Variants in KCNH8 observed in about 807,000 individuals in gnomAD.
KCNH8 encodes voltage-gated delayed rectifier potassium channel KCNH8.
Under a neutral mutation model 103.6 loss-of-function variants are expected in KCNH8, and 70 were observed. That is an observed-to-expected ratio of 0.68 (90% CI 0.56 to 0.82). The LOEUF (loss-of-function observed/expected upper bound fraction) is 0.82, where lower values mean the gene tolerates loss of function less well. KCNH8 is among the 40% of genes least tolerant of loss of function. The probability of loss-of-function intolerance (pLI) is 0.00; values close to 1 mark genes in which losing one functional copy is unlikely to be tolerated. For missense variants in KCNH8, 1,217 were observed against 1,329.9 expected (o/e 0.92, Z 1.32); for synonymous variants, 498 against 489.4 (o/e 1.02, Z -0.23).
chr3:19,490,335 C>A (rs1020537787), intron 11 of KCNH8, among the ~76,000 whole-genome samples: 1 of 152,186 alleles, frequency 6.6e-6, no homozygotes, highest in African/African-American at 2.4e-5. Flanking sequence ...CTCCAAAAAC[C>A]GAGCTCCCCG....
At chr3:19,356,749 A>C (rs73182758) in intron 5 of KCNH8, among the ~76,000 whole-genome samples, 14,949 of 151,974 alleles carry the variant, frequency 0.098, 895 homozygotes, top group East Asian at 0.17. Flanking sequence ...TGGCAGACTC[A>C]GGCCTTCTGG....
chr3:19,492,961 T>G (rs766145417), intron 11 of KCNH8, among the ~76,000 whole-genome samples: 2 of 151,980 alleles, frequency 1.3e-5, no homozygotes, highest in Non-Finnish European at 2.9e-5. Context: ...GCTGTTTTTC[T>G]AGGTACTTCA....
At chr3:19,384,189 G>A (rs1192764213) in intron 5 of KCNH8, among the ~76,000 whole-genome samples, 4 of 152,204 alleles carry the variant, frequency 2.6e-5, no homozygotes, top group African/African-American at 9.7e-5. Flanking sequence ...AGTGTGCACT[G>A]TCTCCTCTGA....
At chr3:19,246,274 GTT>G (rs920423108) in intron 1 of KCNH8, among the ~76,000 whole-genome samples, 365 of 86,310 alleles carry the variant, frequency 4.2e-3, no homozygotes, top group African/African-American at 0.016. Context: ...TGTTGTTGTT[GTT>G]TTTTTTTTTT....
At chr3:19,188,963 T>TC (rs1181466352) in intron 1 of KCNH8, among the ~76,000 whole-genome samples, 1 of 152,046 alleles carries the variant, frequency 6.6e-6, no homozygotes, top group African/African-American at 2.4e-5. Flanking sequence ...TTGTTTTTTT[T>TC]TTAACACAAA....
At chr3:19,253,587 A>C in intron 1 of KCNH8, 67 bp from the exon 2 acceptor site, 1 of 1,214,530 alleles carries the variant, frequency 8.2e-7, no homozygotes, top group Non-Finnish European at 1.2e-6. Flanking sequence ...GATAATTTAT[A>C]CAGGAATTGT....
chr3:19,335,089 G>C (rs1440952338), intron 3 of KCNH8, among the ~76,000 whole-genome samples: 1 of 151,502 alleles, frequency 6.6e-6, no homozygotes, highest in Non-Finnish European at 1.5e-5. Context: ...CTTTTTATAA[G>C]TTACAAAAAC....
At chr3:19,299,836 T>C (rs189189305) in intron 3 of KCNH8, among the ~76,000 whole-genome samples, 1 of 151,948 alleles carries the variant, frequency 6.6e-6, no homozygotes, top group Non-Finnish European at 1.5e-5. Context: ...TTAATATATT[T>C]TAATATGTAT....
intron 5 of KCNH8, among the ~76,000 whole-genome samples, chr3:19,381,696 G>GA (rs200592360): frequency 6.0e-5 from 9 of 151,138 alleles, no homozygotes; most frequent in Non-Finnish European, 8.9e-5. Context: ...TGCTAAAAGG[G>GA]AAAAAAAAGA....
At chr3:19,186,069 A>G (rs1382953572) in intron 1 of KCNH8, among the ~76,000 whole-genome samples, 1 of 151,964 alleles carries the variant, frequency 6.6e-6, no homozygotes, top group Admixed American at 6.6e-5. Context: ...AATAAAAATT[A>G]TTACTAAGTA....
intron 2 of KCNH8, among the ~76,000 whole-genome samples, chr3:19,260,295 C>T (rs1388006142): frequency 6.6e-6 from 1 of 150,804 alleles, no homozygotes; most frequent in East Asian, 2.0e-4. Flanking sequence ...TGCAAGTGTA[C>T]ACATAAGCTG....
chr3:19,401,732 T>C (rs968747574), intron 7 of KCNH8, among the ~76,000 whole-genome samples: 2 of 151,972 alleles, frequency 1.3e-5, no homozygotes, highest in Non-Finnish European at 2.9e-5. Flanking sequence ...GTAAAGTATA[T>C]ATAGCAATGT....
At chr3:19,195,302 C>T (rs2063590068) in intron 1 of KCNH8, among the ~76,000 whole-genome samples, 1 of 151,922 alleles carries the variant, frequency 6.6e-6, no homozygotes, top group Non-Finnish European at 1.5e-5. Context: ...TGCTGGTTGT[C>T]AGATTCTTCC....
At chr3:19,426,124 C>T (rs2125161291) in intron 7 of KCNH8, among the ~76,000 whole-genome samples, 1 of 152,186 alleles carries the variant, frequency 6.6e-6, no homozygotes, top group East Asian at 1.9e-4. Context: ...AGAGCCCTGG[C>T]TTTTTAGCAT....
intron 3 of KCNH8, among the ~76,000 whole-genome samples, chr3:19,287,576 TTG>T (rs1376647428): frequency 2.7e-5 from 4 of 146,270 alleles, no homozygotes; most frequent in African/African-American, 1.1e-4. Flanking sequence ...CCACTTTTTG[TTG>T]TTGTTGTTGT....
intron 15 of KCNH8, among the ~76,000 whole-genome samples, chr3:19,519,462 G>A (rs1256484147): frequency 6.6e-6 from 1 of 151,184 alleles, no homozygotes; most frequent in African/African-American, 2.4e-5. Flanking sequence ...GGAGATTTAT[G>A]TTTTACTACC....
rs542918618 is a variant in KCNH8 at position 19,503,669 on chromosome 3, A to G, written c.2041-6694A>G. 7.2e-3 allele frequency among the ~76,000 whole-genome samples: 1,101 copies of G among 151,986 alleles called. 7 individuals are homozygous for G. The highest frequency in any genetic ancestry group is 0.017 in the Middle Eastern group (5 of 294). ...TGGAAATCATCATTCTCAGTAAACT[A>G]TCTCAAGAACAAAAAACCAAACACC... On this transcript the variant is annotated intron_variant, in intron 11 of 15. Transcript: ENST00000328405.
chr3:19,481,275 A>G (rs1016242071), intron 11 of KCNH8, among the ~76,000 whole-genome samples: 1 of 152,154 alleles, frequency 6.6e-6, no homozygotes, highest in African/African-American at 2.4e-5. Context: ...TAAATAATAT[A>G]TATTATACTC....
At chr3:19,208,347 A>G (rs1380652846) in intron 1 of KCNH8, among the ~76,000 whole-genome samples, 1 of 152,070 alleles carries the variant, frequency 6.6e-6, no homozygotes, top group Admixed American at 6.6e-5. Flanking sequence ...CCTATTGCAC[A>G]TCTTCAATAT....
Sources: gnomAD v4.1 joint callset for allele counts (sites outside exome capture counted in the v4.1 genomes callset) on GRCh38, gnomAD v4.1.1 for gene constraint, MANE v1.5 for transcripts, NCBI Gene and HGNC (gene_info 2026-07-23, HGNC 2026-07-21) for gene names.